Variants in SLC5A4 observed in about 807,000 individuals in gnomAD.
The protein encoded by SLC5A4 is solute carrier family 5 member 4, also known as probable glucose sensor protein SLC5A4.
In SLC5A4, 55 loss-of-function variants were observed where a neutral mutation model predicts 70.3. The observed-to-expected ratio is 0.78, with a 90% CI of 0.63 to 0.98. The LOEUF is 0.98. SLC5A4 is among the 50% of genes least tolerant of loss of function. The pLI is 0.00. For missense variants in SLC5A4, 735 were observed against 839.2 expected (o/e 0.88, Z 1.53); for synonymous variants, 268 against 305.7 (o/e 0.88, Z 1.29).
At chr22:32,220,346 CAT>C (rs1351936880) in intron 14 of SLC5A4, among the ~76,000 whole-genome samples, 1 of 152,100 alleles carries the variant, frequency 6.6e-6, no homozygotes, top group East Asian at 1.9e-4. Context: ...TTTAAGACAA[CAT>C]ATTGTGAAGT....
At chr22:32,264,823 T>C in the SLC5A4 span, among the ~76,000 whole-genome samples, 4 of 152,226 alleles carry the variant, frequency 2.6e-5, no homozygotes, top group African/African-American at 9.6e-5. Flanking sequence ...TAAGAATGTA[T>C]GTATTTTGAA....
At chr22:32,265,264 G>A in the SLC5A4 span, among the ~76,000 whole-genome samples, 1 of 152,112 alleles carries the variant, frequency 6.6e-6, no homozygotes, top group Non-Finnish European at 1.5e-5. Flanking sequence ...AGCACACACT[G>A]GTAGTCCCAG....
intron 2 of SLC5A4, 92 bp downstream of exon 2, chr22:32,254,050 G>A (rs1260851997): frequency 1.0e-6 from 1 of 997,794 alleles, no homozygotes; most frequent in African/African-American, 1.6e-5. Context: ...CAAAGTGCTG[G>A]GATTACAGGC....
At position 32,225,858 on chromosome 22, in the gene SLC5A4, A is replaced by C. The variant is rs766273527; in HGVS notation, c.1281-35T>G. The C allele has an allele frequency of 9.0e-6, 13 of 1,443,878 alleles. No individual in the cohort carries two copies. In the African/African-American group the frequency reaches 1.7e-4, roughly 19 times the overall value. 89.4% of individuals were successfully genotyped at this position (1,443,878 alleles called of 1,614,324 possible). A position where few individuals can be genotyped will look rare whatever the true frequency, so the allele number is the denominator to read the frequency against. On this transcript the variant is annotated intron_variant, in intron 11 of 14. Transcript: ENST00000266086. Reference sequence around the variant, plus strand: ...AAACAACATAATTTAAACATTAAACAAAAGCACTATAGTTACTTCCATTGT... The same window carrying C: ...AAACAACATAATTTAAACATTAAACCAAAGCACTATAGTTACTTCCATTGT...
chr22:32,270,077 G>A, the SLC5A4 span: 13 of 497,372 alleles, frequency 2.6e-5, no homozygotes, highest in Middle Eastern at 4.0e-4. Context: ...CAGAAGAAGC[G>A]AGTGGACACA....
At chr22:32,330,959 T>A in the SLC5A4 span, among the ~76,000 whole-genome samples, 1 of 81,810 alleles carries the variant, frequency 1.2e-5, no homozygotes, top group East Asian at 4.3e-4. Context: ...CTGGTGTGTG[T>A]GTGTTGGGGG....
At chr22:32,310,858 C>T in the SLC5A4 span, among the ~76,000 whole-genome samples, 7 of 152,222 alleles carry the variant, frequency 4.6e-5, no homozygotes, top group African/African-American at 7.2e-5. Context: ...CTTTTCCAAA[C>T]GCAGGGCATT....
the SLC5A4 span, among the ~76,000 whole-genome samples, chr22:32,306,048 G>A: frequency 6.6e-6 from 1 of 152,136 alleles, no homozygotes; most frequent in Admixed American, 6.5e-5. Context: ...CTCCCCTACA[G>A]AATGACAAAT....
the SLC5A4 span, among the ~76,000 whole-genome samples, chr22:32,312,259 A>C: frequency 6.6e-6 from 1 of 152,078 alleles, no homozygotes; most frequent in African/African-American, 2.4e-5. Context: ...CACGGATGAG[A>C]ACCCCCAGCC....
the SLC5A4 span, among the ~76,000 whole-genome samples, chr22:32,324,365 C>T: frequency 6.6e-6 from 1 of 151,936 alleles, no homozygotes; most frequent in African/African-American, 2.4e-5. Context: ...AAACATTCTA[C>T]TTACAGTTTC....
At chr22:32,269,339 C>T in the SLC5A4 span, 8 of 320,766 alleles carry the variant, frequency 2.5e-5, no homozygotes, top group South Asian at 1.1e-4. The surrounding 1 kb of genome is among the most constrained non-coding windows in gnomAD (Gnocchi z 4.1). Context: ...TTTAAAAATC[C>T]GTATTTTGAT....
intron 11 of SLC5A4, among the ~76,000 whole-genome samples, chr22:32,228,312 G>A (rs1925524674): frequency 6.8e-6 from 1 of 147,746 alleles, no homozygotes; most frequent in African/African-American, 2.6e-5. Context: ...AGGCCGAGGA[G>A]AATGGATCAC....
chr22:32,259,323 CT>C (rs1393964960), upstream of SLC5A4, among the ~76,000 whole-genome samples: 24 of 152,288 alleles, frequency 1.6e-4, no homozygotes, highest in South Asian at 2.9e-3. Flanking sequence ...GCATTATTAG[CT>C]ATTAATGACA....
chr22:32,349,176 T>C, the SLC5A4 span, among the ~76,000 whole-genome samples: 1 of 152,156 alleles, frequency 6.6e-6, no homozygotes, highest in African/African-American at 2.4e-5. Context: ...GGTTTCACCA[T>C]TTTAGCCAGG....
the SLC5A4 span, among the ~76,000 whole-genome samples, chr22:32,335,729 C>A: frequency 1.9e-4 from 29 of 152,328 alleles, no homozygotes; most frequent in South Asian, 6.2e-4. Context: ...TTCCTGAAGC[C>A]GTAGGTCCCA....
the SLC5A4 span, among the ~76,000 whole-genome samples, chr22:32,289,957 A>T: frequency 4.5e-4 from 69 of 152,234 alleles, no homozygotes; most frequent in Non-Finnish European, 6.8e-4. Context: ...TTCATTTTCT[A>T]TTGCTTTTCT....
chr22:32,342,450 C>A, the SLC5A4 span, among the ~76,000 whole-genome samples: 1 of 152,114 alleles, frequency 6.6e-6, no homozygotes, highest in Non-Finnish European at 1.5e-5. Context: ...AAAAAAACCA[C>A]TAGCAGGAGC....
At chr22:32,309,450 A>C in the SLC5A4 span, among the ~76,000 whole-genome samples, 1 of 152,184 alleles carries the variant, frequency 6.6e-6, no homozygotes, top group Non-Finnish European at 1.5e-5. Context: ...GCAGCTTAAA[A>C]AATCAGGTTG....
the SLC5A4 span, among the ~76,000 whole-genome samples, chr22:32,314,830 T>A: frequency 1.3e-5 from 2 of 151,920 alleles, no homozygotes; most frequent in African/African-American, 2.4e-5. Flanking sequence ...ACAGAGAGAG[T>A]GAGCGAGCTT....
Sources: gnomAD v4.1 joint callset for allele counts (sites outside exome capture counted in the v4.1 genomes callset) on GRCh38, gnomAD v4.1.1 for gene constraint, Gnocchi (gnomAD v3.1) non-coding constraint, MANE v1.5 for transcripts, NCBI Gene and HGNC (gene_info 2026-07-23, HGNC 2026-07-21) for gene names.